ERBB4: variants seen among roughly 807,000 people sequenced by gnomAD.
ERBB4 encodes erb-b2 receptor tyrosine kinase 4.
ERBB4 carries 42 observed loss-of-function variants against 158.0 expected under a neutral mutation model. The ratio of observed to expected loss-of-function variants is 0.27; its 90% confidence interval spans 0.21 to 0.34. The LOEUF (loss-of-function observed/expected upper bound fraction) is 0.34. Among genes scored for constraint, ERBB4 ranks in the 10% least tolerant of loss-of-function variants. ERBB4 has a pLI of 1.00. For synonymous variants in ERBB4, 583 were observed against 558.7 expected (o/e 1.04, Z -0.61); for missense variants, 1,333 against 1,624.1 (o/e 0.82, Z 3.08).
chr2:211,436,172 C>A (rs1284663054), intron 20 of ERBB4, among the ~76,000 whole-genome samples: 1 of 152,150 alleles, frequency 6.6e-6, no homozygotes, highest in Non-Finnish European at 1.5e-5. Context: ...CAGAAAAAAA[C>A]TATTATCTGG....
At chr2:211,771,378 G>C (rs1479585382) in intron 4 of ERBB4, among the ~76,000 whole-genome samples, 2 of 152,322 alleles carry the variant, frequency 1.3e-5, no homozygotes, top group East Asian at 1.9e-4. Context: ...TCTAAACATA[G>C]TTGAAGGTGG....
intron 20 of ERBB4, among the ~76,000 whole-genome samples, chr2:211,527,746 TTTTG>T (rs779977740): frequency 5.7e-4 from 86 of 152,146 alleles, no homozygotes; most frequent in African/African-American, 1.5e-3. Flanking sequence ...TTAGTTTTCT[TTTTG>T]TTTGTTTGTT....
intron 1 of ERBB4, among the ~76,000 whole-genome samples, chr2:212,203,010 T>C (rs559659493): frequency 6.6e-6 from 1 of 151,846 alleles, no homozygotes; most frequent in Non-Finnish European, 1.5e-5. Flanking sequence ...CATATATGTA[T>C]ATATTAATTG....
At chr2:211,611,470 CT>C (rs1223751578) in intron 19 of ERBB4, among the ~76,000 whole-genome samples, 1 of 95,830 alleles carries the variant, frequency 1.0e-5, no homozygotes, top group African/African-American at 4.2e-5. Flanking sequence ...GCCACACACT[CT>C]TTAGGTCCGC....
chr2:212,109,797 C>T (rs1485800974), intron 2 of ERBB4, among the ~76,000 whole-genome samples: 1 of 152,148 alleles, frequency 6.6e-6, no homozygotes, highest in Non-Finnish European at 1.5e-5. Context: ...AGATATATTT[C>T]TGCTTGAAAA....
In ERBB4 at chr2:211,855,876, T is replaced by G. The variant is rs527251210; in HGVS notation, c.422-67717A>C. Reference sequence around the variant, plus strand: ...AAGATTAAAAAGGAAGAAGTGAAACTATTATAATTTGCAGATAAGATACTT... The same window carrying G: ...AAGATTAAAAAGGAAGAAGTGAAACGATTATAATTTGCAGATAAGATACTT... On this transcript the variant is annotated intron_variant, in intron 3 of 27. Coordinates refer to ENST00000342788, the MANE Select transcript of ERBB4 (RefSeq NM_005235.3). 3.3e-5 allele frequency among the ~76,000 whole-genome samples: 5 copies of G among 152,296 alleles called. No individual in the cohort carries two copies. The South Asian group carries it at 6.2e-4, about 19-fold the overall frequency.
At chr2:211,765,976 G>A (rs2075540984) in intron 4 of ERBB4, among the ~76,000 whole-genome samples, 2 of 152,168 alleles carry the variant, frequency 1.3e-5, no homozygotes, top group African/African-American at 4.8e-5. Flanking sequence ...GCACAGAAAG[G>A]TAGGAGAATA....
intron 1 of ERBB4, among the ~76,000 whole-genome samples, chr2:212,295,002 C>G (rs6723978): frequency 0.6 from 91,646 of 151,940 alleles, 28,842 homozygotes; most frequent in East Asian, 0.83. Flanking sequence ...GCTGTATGGT[C>G]TTGTGATGAG....
chr2:212,076,517 G>A (rs1247916733), intron 2 of ERBB4, among the ~76,000 whole-genome samples: 3 of 151,752 alleles, frequency 2.0e-5, no homozygotes, highest in African/African-American at 7.3e-5. Context: ...CTTACTTTGT[G>A]GTTTAATGAG....
intron 20 of ERBB4, among the ~76,000 whole-genome samples, chr2:211,468,318 ATGTTG>A (rs977862819): frequency 3.1e-4 from 47 of 152,266 alleles, no homozygotes; most frequent in African/African-American, 1.1e-3. Flanking sequence ...CTGCCACTGA[ATGTTG>A]TGTTAAGAGA....
chr2:212,322,287 G>A (rs2087602138), intron 1 of ERBB4, among the ~76,000 whole-genome samples: 1 of 150,190 alleles, frequency 6.7e-6, no homozygotes, highest in Admixed American at 6.6e-5. Flanking sequence ...TTTTCCTTAT[G>A]TGCATAATAG....
At position 211,733,794 on chromosome 2, in the gene ERBB4, C is replaced by T. The variant is rs774677407; in HGVS notation, c.623-8600G>A. ...CTCAATTTTGCAATAAAAATACCCA[C>T]AGAAGGGCCAGGAGTGGTGGCTCAC... On this transcript the variant is annotated intron_variant, in intron 5 of 27. Coordinates refer to ENST00000342788, the MANE Select transcript of ERBB4 (RefSeq NM_005235.3). 1.4e-4 allele frequency among the ~76,000 whole-genome samples: 21 copies of T among 151,312 alleles called. 1 individual carries two copies. The highest frequency in any genetic ancestry group is 2.6e-4 in the Non-Finnish European group (18 of 67,994).
chr2:211,802,691 C>A (rs534594442), intron 3 of ERBB4, among the ~76,000 whole-genome samples: 9 of 152,324 alleles, frequency 5.9e-5, no homozygotes, highest in African/African-American at 2.2e-4. Context: ...GAGTTATAAT[C>A]TAAATTGCAA....
chr2:212,318,038 A>T (rs76043729), intron 1 of ERBB4, among the ~76,000 whole-genome samples: 1,991 of 151,728 alleles, frequency 0.013, 47 homozygotes, highest in African/African-American at 0.046. Context: ...CTTATGCTTG[A>T]TCCAGATAGC....
intron 20 of ERBB4, among the ~76,000 whole-genome samples, chr2:211,505,592 AAACT>A (rs892079169): frequency 1.3e-5 from 2 of 149,592 alleles, no homozygotes; most frequent in Non-Finnish European, 3.0e-5. Flanking sequence ...ACAAACAAAC[AAACT>A]ATGACAGGAA....
intron 2 of ERBB4, among the ~76,000 whole-genome samples, chr2:211,990,255 T>C (rs1225206358): frequency 1.2e-5 from 1 of 80,424 alleles, no homozygotes; most frequent in African/African-American, 2.7e-5. Context: ...TATTGCATTA[T>C]TATAATAAAA....
At chr2:211,900,097 G>A (rs1559627499) in intron 3 of ERBB4, among the ~76,000 whole-genome samples, 2 of 152,078 alleles carry the variant, frequency 1.3e-5, no homozygotes, top group African/African-American at 2.4e-5. Context: ...AGTAACCCGA[G>A]GCCTCAACTT....
intron 1 of ERBB4, among the ~76,000 whole-genome samples, chr2:212,314,164 A>T (rs2087167695): frequency 6.6e-6 from 1 of 151,258 alleles, no homozygotes; most frequent in African/African-American, 2.4e-5. Context: ...AATTATTTTC[A>T]AAGTTAACTG....
chr2:212,482,402 A>G (rs2106164476), intron 1 of ERBB4, among the ~76,000 whole-genome samples: 1 of 152,324 alleles, frequency 6.6e-6, no homozygotes, highest in Non-Finnish European at 1.5e-5. Context: ...AACTTCCACA[A>G]TTTGGATAGT....
Sources: allele counts gnomAD v4.1 joint callset (sites outside exome capture counted in the v4.1 genomes callset), GRCh38; gene constraint gnomAD v4.1.1; transcripts MANE v1.5; gene names NCBI Gene and HGNC (gene_info 2026-07-23, HGNC 2026-07-21).